The following ERCC6L2 variants were observed in gnomAD, a reference collection of about 807,000 sequenced individuals.
ERCC6L2 encodes DNA excision repair protein ERCC-6-like 2.
ERCC6L2 carries 77 observed loss-of-function variants against 132.0 expected under a neutral mutation model. The observed-to-expected ratio is 0.58, with a 90% CI of 0.49 to 0.71. ERCC6L2 has a LOEUF of 0.71. Among genes scored for constraint, ERCC6L2 ranks in the 30% least tolerant of loss-of-function variants. The probability of loss-of-function intolerance (pLI) is 0.00; values close to 1 mark genes in which losing one functional copy is unlikely to be tolerated. For missense variants in ERCC6L2, 1,542 were observed against 1,837.6 expected, an observed-to-expected ratio of 0.84 and a Z score of 2.94; for synonymous variants, 583 against 632.4, an observed-to-expected ratio of 0.92 and a Z score of 1.17.
intron 12 of ERCC6L2, among the ~76,000 whole-genome samples, chr9:95,948,936 T>G (rs117804840): frequency 0.025 from 3,739 of 151,962 alleles, 51 homozygotes; most frequent in Admixed American, 0.039. Flanking sequence ...ACAAGTGTCT[T>G]AAATACTCCA....
chr9:96,005,358 T>G (rs4743458), intron 18 of ERCC6L2, among the ~76,000 whole-genome samples: 98,387 of 151,610 alleles, frequency 0.65, 32,815 homozygotes, highest in African/African-American at 0.8. Flanking sequence ...GAGGAATGGG[T>G]TTGGCATCAA....
intron 13 of ERCC6L2, among the ~76,000 whole-genome samples, chr9:95,959,295 A>C (rs1395533388): frequency 1.3e-5 from 2 of 151,742 alleles, no homozygotes; most frequent in African/African-American, 2.4e-5. Context: ...TTCCCTATTT[A>C]ATAAATGGTG....
At chr9:95,976,646 T>C (rs1183396584) in intron 16 of ERCC6L2, among the ~76,000 whole-genome samples, 1 of 152,182 alleles carries the variant, frequency 6.6e-6, no homozygotes, top group South Asian at 2.1e-4. Context: ...TATCTTGTTA[T>C]CTAATTTTGT....
chr9:96,022,694 G>GCCT (rs1834311583), downstream of ERCC6L2, among the ~76,000 whole-genome samples: 1 of 152,180 alleles, frequency 6.6e-6, no homozygotes, highest in South Asian at 2.1e-4. Context: ...CAGGCAGTGG[G>GCCT]GCACAGGTTC....
intron 12 of ERCC6L2, among the ~76,000 whole-genome samples, chr9:95,954,015 G>A (rs114071594): frequency 6.6e-6 from 1 of 152,254 alleles, no homozygotes; most frequent in African/African-American, 2.4e-5. Context: ...TGTCATTCTT[G>A]GTGCTTTCCA....
At chr9:95,902,786 G>A (rs1164818758) in intron 3 of ERCC6L2, among the ~76,000 whole-genome samples, 1 of 152,032 alleles carries the variant, frequency 6.6e-6, no homozygotes, top group Non-Finnish European at 1.5e-5. Flanking sequence ...ATTTCTTAAT[G>A]AGTGAAGCTG....
At chr9:95,946,311 G>A (rs573985487) in intron 12 of ERCC6L2, among the ~76,000 whole-genome samples, 2 of 152,072 alleles carry the variant, frequency 1.3e-5, no homozygotes, top group Non-Finnish European at 2.9e-5. Flanking sequence ...GGCGGATCAC[G>A]AGGTCAGGTG....
At chr9:95,934,345 A>T (rs187300058) in intron 11 of ERCC6L2, among the ~76,000 whole-genome samples, 1 of 152,220 alleles carries the variant, frequency 6.6e-6, no homozygotes, top group African/African-American at 2.4e-5. Flanking sequence ...TCAACTCAGT[A>T]TACAAACATT....
intron 18 of ERCC6L2, among the ~76,000 whole-genome samples, chr9:96,005,901 T>C (rs1356938261): frequency 6.6e-6 from 1 of 152,174 alleles, no homozygotes; most frequent in African/African-American, 2.4e-5. Flanking sequence ...GCCAAGTAGA[T>C]GAATTCAATT....
intron 2 of ERCC6L2, among the ~76,000 whole-genome samples, chr9:95,881,577 T>C (rs995087333): frequency 6.6e-4 from 100 of 152,352 alleles, no homozygotes; most frequent in African/African-American, 2.2e-3. Context: ...GATATCAATA[T>C]ATTTGAAGTC....
Position 95,885,592 on chromosome 9 carries a change from A to T in ERCC6L2, c.471+4299A>T, listed in dbSNP as rs1440057976. Among the ~76,000 whole-genome samples the T allele has an allele frequency of 8.6e-5, 13 of 150,572 alleles. No homozygotes were observed. In the Admixed American group the frequency reaches 8.7e-4, roughly 10 times the overall value. ...TGAATCCCTTTTGTACATTTACGTG[A>T]TAATTAGCTAGTTTAAGTACAATAA... is the stretch of plus-strand genomic sequence containing the variant. On this transcript the variant is annotated intron_variant, in intron 2 of 18. Transcript: ENST00000653738.
intron 3 of ERCC6L2, among the ~76,000 whole-genome samples, chr9:95,899,124 A>C (rs1828621336): frequency 3.9e-5 from 6 of 152,074 alleles, no homozygotes; most frequent in Admixed American, 2.0e-4. Flanking sequence ...TTTTAAATAT[A>C]TTAAAATACT....
In ERCC6L2 at chr9:95,977,767, T is replaced by G. The variant is rs538864482; in HGVS notation, c.3338-294T>G. ...TTTTTTAATTAACAATGAAAACAAATTCATAGAGAGGACCCTACTCAACCC... is the reference window on the plus strand; with the variant it reads ...TTTTTTAATTAACAATGAAAACAAAGTCATAGAGAGGACCCTACTCAACCC... On this transcript the variant is annotated intron_variant, in intron 16 of 18. Transcript: ENST00000653738. Among the ~76,000 whole-genome samples, 6 of 151,776 alleles carry G rather than the reference T, an allele frequency of 4.0e-5. No individual in the cohort carries two copies. The East Asian group carries it at 1.2e-3, about 29-fold the overall frequency.
intron 4 of ERCC6L2, among the ~76,000 whole-genome samples, chr9:95,909,941 G>A (rs59189545): frequency 0.03 from 4,611 of 152,282 alleles, 93 homozygotes; most frequent in East Asian, 0.13. Context: ...GCAACGTTTG[G>A]TATTGTCAGT....
chr9:95,903,799 CT>C (rs201301151), intron 3 of ERCC6L2, among the ~76,000 whole-genome samples: 1,758 of 152,016 alleles, frequency 0.012, 17 homozygotes, highest in Non-Finnish European at 0.018. Flanking sequence ...TAAATTATAC[CT>C]TTACAGAAAA....
At chr9:96,032,742 G>C (rs1226776754) in intron 19 of ERCC6L2, among the ~76,000 whole-genome samples, 1 of 152,186 alleles carries the variant, frequency 6.6e-6, no homozygotes, top group East Asian at 1.9e-4. Context: ...ACGCAATGCT[G>C]GTCATCTCTG....
chr9:95,979,581 A>AC (rs1832811843), intron 17 of ERCC6L2, among the ~76,000 whole-genome samples: 1 of 152,098 alleles, frequency 6.6e-6, no homozygotes. Context: ...TAAATCTAAT[A>AC]ACAGACTTTG....
chr9:95,945,167 G>T (rs1188621293), intron 12 of ERCC6L2, among the ~76,000 whole-genome samples: 1 of 152,172 alleles, frequency 6.6e-6, no homozygotes, highest in Admixed American at 6.5e-5. Context: ...ACCTGAAGCG[G>T]CCATTTCAGA....
intron 12 of ERCC6L2, among the ~76,000 whole-genome samples, chr9:95,954,246 A>T (rs1224077690): frequency 1.3e-5 from 2 of 152,198 alleles, no homozygotes; most frequent in Non-Finnish European, 2.9e-5. Flanking sequence ...ATTGGTCAAA[A>T]TGAAAACCAC....
Sources: gnomAD v4.1 joint callset for allele counts (sites outside exome capture counted in the v4.1 genomes callset) on GRCh38, gnomAD v4.1.1 for gene constraint, MANE v1.5 for transcripts, NCBI Gene and HGNC (gene_info 2026-07-23, HGNC 2026-07-21) for gene names.